The following LUC7L variants were observed in gnomAD, a reference collection of about 807,000 sequenced individuals.
The protein encoded by LUC7L is putative RNA-binding protein Luc7-like 1.
A neutral mutation model predicts 51.1 loss-of-function variants in LUC7L; 29 were observed. That is an observed-to-expected ratio of 0.57 (90% CI 0.42 to 0.77). LUC7L has a LOEUF of 0.77. LUC7L is among the 30% of genes least tolerant of loss of function. LUC7L has a pLI of 0.00. For synonymous variants in LUC7L, 181 were observed against 180.7 expected, an observed-to-expected ratio of 1.00 and a Z score of -0.01; for missense variants, 403 against 511.9, an observed-to-expected ratio of 0.79 and a Z score of 2.05.
intron 4 of LUC7L, among the ~76,000 whole-genome samples, 160 bp from the exon 5 acceptor site, chr16:206,307 G>A (rs537658933): frequency 7.9e-5 from 12 of 152,300 alleles, no homozygotes; most frequent in African/African-American, 2.9e-4. Context: ...CATTGAGACT[G>A]TAACCATAAA....
Position 229,154 on chromosome 16 carries a change from G to C in LUC7L, c.61+125C>G, listed in dbSNP as rs926902087. The C allele has an allele frequency of 1.2e-5, 17 of 1,432,398 alleles. 1 individual carries two copies. The African/African-American group carries it at 1.8e-4, about 15-fold the overall frequency. The allele number at this position is 1,432,398 out of a possible 1,614,324, so 88.7% of individuals were successfully genotyped here. A position where few individuals can be genotyped will look rare whatever the true frequency, so the allele number is the denominator to read the frequency against. ...GCCCGGCGCCTGCGGTCGGAGCGCG[G>C]GGGAGGAGGAGCGATGCCCCGCGCA... is the stretch of plus-strand genomic sequence containing the variant. On this transcript the variant is annotated intron_variant, in intron 1 of 9. Coordinates refer to ENST00000293872, the MANE Select transcript of LUC7L (RefSeq NM_201412.3).
intron 5 of LUC7L, among the ~76,000 whole-genome samples, chr16:204,070 G>A (rs1005374534): frequency 2.0e-5 from 3 of 151,950 alleles, no homozygotes; most frequent in Non-Finnish European, 4.4e-5. Flanking sequence ...ACCAGCACCC[G>A]CAAGCATGAA....
intron 5 of LUC7L, among the ~76,000 whole-genome samples, chr16:203,169 G>C (rs1487082917): frequency 1.3e-5 from 2 of 151,986 alleles, no homozygotes; most frequent in Admixed American, 1.3e-4. Context: ...TAATAATGTT[G>C]AAAGACACAA....
At chr16:222,951 TA>T (rs376499817) in intron 2 of LUC7L, among the ~76,000 whole-genome samples, 11,787 of 119,874 alleles carry the variant, frequency 0.098, 530 homozygotes, top group East Asian at 0.16. Flanking sequence ...CCCCGTCTTT[TA>T]AAAAAAAAAA....
intron 5 of LUC7L, 80 bp from the exon 6 acceptor site, chr16:199,318 TGATAA>T (rs1567176490): frequency 2.2e-6 from 2 of 917,344 alleles, no homozygotes; most frequent in Non-Finnish European, 3.3e-6. Context: ...TGAAAATATT[TGATAA>T]GATGACAGAG....
Position 220,318 on chromosome 16 carries a change from A to C in LUC7L, c.255+331T>G, listed in dbSNP as rs3830091. The C allele has an allele frequency of 2.3e-4, 42 of 179,702 alleles. No individual in the cohort carries two copies. The East Asian group carries it at 6.1e-3, about 26-fold the overall frequency. 11.1% of individuals were successfully genotyped at this position (179,702 alleles called of 1,614,324 possible). ...CTGGGCAAACAGAAACATGATACTG[A>C]ACCAAAAAAATCTAATTTTAAAGAC... On this transcript the variant is annotated intron_variant, in intron 3 of 9. Transcript: ENST00000293872.
chr16:213,696 C>T (rs1205828571), intron 3 of LUC7L, among the ~76,000 whole-genome samples: 3 of 151,690 alleles, frequency 2.0e-5, no homozygotes, highest in African/African-American at 7.3e-5. Context: ...TGAGCCACCG[C>T]ACCCGGCAGA....
intron 1 of LUC7L, chr16:227,883 G>A: frequency 1.0e-6 from 1 of 1,000,662 alleles, no homozygotes; most frequent in Non-Finnish European, 1.2e-6. Flanking sequence ...CCTTAAAAAA[G>A]AGAGTTGCTA....
chr16:221,105 T>C (rs1298652501), intron 2 of LUC7L, among the ~76,000 whole-genome samples: 1 of 151,442 alleles, frequency 6.6e-6, no homozygotes, highest in East Asian at 2.0e-4. Context: ...CTGTAACCTC[T>C]GCCTCCGGGG....
At position 208,125 on chromosome 16, in the gene LUC7L, G is replaced by A. The variant is rs759353722; in HGVS notation, c.319C>T (p.Arg107Trp). Residue 107 changes from arginine (R) to tryptophan (W), a missense_variant, in exon 4 of 10, where the codon CGG becomes TGG. Physicochemically the swap from Arg to Trp is moderately radical, Grantham distance 101 (BLOSUM62 -3). Transcript: ENST00000293872. ...ATTTCCTCCTGTGTTTCTGCCAGCC[G>A]CTTCTTGGCGAGCTCAGTTCTCCGA... ...CDRRTELAKKRLAETQEEISA... is the reference protein window; with the variant it reads ...CDRRTELAKKWLAETQEEISA... The A allele has an allele frequency of 6.2e-7, 1 of 1,613,346 alleles. No individual in the cohort carries two copies. Among genetic ancestry groups the A allele is most frequent in the Non-Finnish European group, 8.5e-7 (1 of 1,179,752 alleles).
At chr16:212,686 G>A (rs1342100766) in intron 3 of LUC7L, among the ~76,000 whole-genome samples, 2 of 152,140 alleles carry the variant, frequency 1.3e-5, no homozygotes, top group Non-Finnish European at 2.9e-5. Flanking sequence ...ACATCACATG[G>A]CCAGACAACA....
intron 2 of LUC7L, among the ~76,000 whole-genome samples, chr16:222,780 G>C (rs2050010045): frequency 6.6e-6 from 1 of 151,300 alleles, no homozygotes; most frequent in Non-Finnish European, 1.5e-5. Flanking sequence ...ACAGACATGT[G>C]CCACCACGCC....
intron 1 of LUC7L, 186 bp downstream of exon 1, chr16:229,093 C>T: frequency 7.1e-7 from 1 of 1,410,646 alleles, no homozygotes; most frequent in Non-Finnish European, 9.2e-7. Flanking sequence ...GACCTGGACC[C>T]ACGGCCGCCT....
chr16:208,174 C>G lies in LUC7L; in HGVS notation c.270G>C (p.Leu90Phe), dbSNP rs1283344250. 1 of 1,612,308 alleles carries G rather than the reference C, an allele frequency of 6.2e-7. No homozygotes were observed. The highest frequency in any genetic ancestry group is 2.2e-5 in the East Asian group (1 of 44,866). ...LFFELDAMDH[L>F]ESFIAECDRR... Reference sequence around the variant, plus strand: ...GATCACATTCAGCAATAAAGGACTCCAAGTGATCCATTGCCTAGCACGGGA... The same window carrying G: ...GATCACATTCAGCAATAAAGGACTCGAAGTGATCCATTGCCTAGCACGGGA... The change falls in exon 4 of 10, where the codon TTG becomes TTC. Residue 90 changes from leucine (L) to phenylalanine (F), a missense_variant. Leu to Phe is a conservative substitution (Grantham distance 22). This residue lies in a region of LUC7L where 182 missense variants were observed against 248.4 expected (regional missense o/e 0.73). Transcript: ENST00000293872.
At chr16:201,892 C>T (rs1024621637) in intron 5 of LUC7L, among the ~76,000 whole-genome samples, 4 of 151,638 alleles carry the variant, frequency 2.6e-5, no homozygotes, top group South Asian at 4.2e-4. Flanking sequence ...TACAGGTGCC[C>T]GCCACCACAC....
intron 9 of LUC7L, 40 bp from the exon 10 acceptor site, chr16:189,379 C>A (rs771381686): frequency 9.7e-5 from 153 of 1,576,778 alleles, no homozygotes; most frequent in Non-Finnish European, 1.3e-4. Flanking sequence ...AGGCTGCTGC[C>A]CCCCTTCTGC....
chr16:228,942 C>T (rs1362281515), intron 1 of LUC7L: 1 of 1,396,402 alleles, frequency 7.2e-7, no homozygotes, highest in Non-Finnish European at 9.5e-7. Flanking sequence ...CTGGAGCCCA[C>T]GCTGATTCCA....
intron 6 of LUC7L, among the ~76,000 whole-genome samples, chr16:194,590 C>T (rs969386002): frequency 6.6e-6 from 1 of 152,208 alleles, no homozygotes; most frequent in African/African-American, 2.4e-5. Flanking sequence ...AGAATCCCTA[C>T]AGCCAAAAAG....
chr16:213,714 T>C (rs1487183808), intron 3 of LUC7L, among the ~76,000 whole-genome samples: 1 of 151,394 alleles, frequency 6.6e-6, no homozygotes, highest in East Asian at 1.9e-4. Flanking sequence ...AGAAATCTTT[T>C]TTCTTTTTTT....
Sources: allele counts gnomAD v4.1 joint callset (sites outside exome capture counted in the v4.1 genomes callset), GRCh38; gene constraint gnomAD v4.1.1; regional missense constraint gnomAD v4.1.1; transcripts MANE v1.5; gene names NCBI Gene and HGNC (gene_info 2026-07-23, HGNC 2026-07-21).